The following FRYL variants were observed in gnomAD, a reference collection of about 807,000 sequenced individuals.
The protein encoded by FRYL is protein furry homolog-like.
In FRYL, 150 loss-of-function variants were observed where a neutral mutation model predicts 351.2. The ratio of observed to expected loss-of-function variants is 0.43; its 90% confidence interval spans 0.37 to 0.49. FRYL has a LOEUF of 0.49. Among genes scored for constraint, FRYL ranks in the 20% least tolerant of loss-of-function variants. FRYL has a pLI of 0.00. For missense variants in FRYL, 3,036 were observed against 3,619.3 expected, an observed-to-expected ratio of 0.84 and a Z score of 4.13; for synonymous variants, 1,153 against 1,257.1, an observed-to-expected ratio of 0.92 and a Z score of 1.75.
chr4:48,518,794 C>T (rs940348752), intron 55 of FRYL, among the ~76,000 whole-genome samples: 16 of 152,206 alleles, frequency 1.1e-4, no homozygotes, highest in African/African-American at 3.9e-4. Flanking sequence ...TTCTCCTTCA[C>T]TCGAGTCCAC....
In FRYL at chr4:48,752,356, A is replaced by G. The variant is rs186429005; in HGVS notation, c.-384+27722T>C. On this transcript the variant is annotated intron_variant, in intron 1 of 63. Transcript: ENST00000358350. ...CAATGAGAAGCTCCTCTAATGAACC[A>G]TCTTGACTCCGGATCTGCCCCTGGA... Among the ~76,000 whole-genome samples, 3 of 152,348 alleles carry G rather than the reference A, an allele frequency of 2.0e-5. No homozygotes were observed. The East Asian group carries it at 5.8e-4, about 29-fold the overall frequency.
At chr4:48,532,939 T>C (rs990578628) in intron 49 of FRYL, among the ~76,000 whole-genome samples, 2 of 152,124 alleles carry the variant, frequency 1.3e-5, no homozygotes, top group African/African-American at 4.8e-5. Flanking sequence ...TATAAAGAAA[T>C]CTGGAAAAAA....
intron 25 of FRYL, 65 bp from the exon 26 acceptor site, chr4:48,573,308 T>G (rs887470133): frequency 9.7e-7 from 1 of 1,030,410 alleles, no homozygotes; most frequent in Non-Finnish European, 1.5e-6. Flanking sequence ...CAGGTAAATA[T>G]GTAAAAACAT....
Position 48,665,459 on chromosome 4 carries a change from T to C in FRYL, c.-81+19214A>G, listed in dbSNP as rs1186430899. Among the ~76,000 whole-genome samples the C allele has an allele frequency of 2.6e-5, 4 of 152,346 alleles. No homozygotes were observed. The South Asian group carries it at 8.3e-4, about 32-fold the overall frequency. On this transcript the variant is annotated intron_variant, in intron 3 of 63. Coordinates refer to ENST00000358350, the MANE Select transcript of FRYL (RefSeq NM_015030.2). ...CTTGAAACAACAGTTTTTGAAGATA[T>C]TGTTAATTAAAATCCAGATTTTAAA...
intron 1 of FRYL, among the ~76,000 whole-genome samples, chr4:48,713,588 G>C (rs10030106): frequency 0.51 from 77,373 of 151,866 alleles, 20,149 homozygotes; most frequent in South Asian, 0.61. Flanking sequence ...AAATAGATAT[G>C]CACCCAATAC....
chr4:48,652,397 G>A (rs934308409), intron 3 of FRYL, among the ~76,000 whole-genome samples: 2 of 152,156 alleles, frequency 1.3e-5, no homozygotes, highest in Non-Finnish European at 2.9e-5. Context: ...CAGTTTACTT[G>A]AGCAAAAATG....
chr4:48,729,187 C>T (rs1770440044), intron 1 of FRYL, among the ~76,000 whole-genome samples: 1 of 152,238 alleles, frequency 6.6e-6, no homozygotes. Context: ...ACTGCTGACA[C>T]TTGAGTAGGT....
chr4:48,535,810 T>C lies in FRYL; in HGVS notation c.6411A>G (p.Lys2137=). The part of the protein sequence containing the change: ...SRIAKVCAEE[K]CPTLVNLAHM... ...GTGCCAGATTGACAAGTGTTGGGCA[T>C]TTTTCTTCTGCACAAACCTAGAAAA... The change falls in exon 48 of 64, where the codon AAA becomes AAG. Residue 2137 remains lysine (K), a synonymous_variant. Transcript: ENST00000358350. 1 of 1,542,140 alleles carries C rather than the reference T, an allele frequency of 6.5e-7. No homozygotes were observed. Among genetic ancestry groups the C allele is most frequent in the Non-Finnish European group, 8.8e-7 (1 of 1,140,994 alleles).
chr4:48,552,259 G>GTGTGTGTGTGTGTGTGTGTT (rs1733011382), intron 36 of FRYL, among the ~76,000 whole-genome samples: 1 of 134,272 alleles, frequency 7.4e-6, no homozygotes, highest in African/African-American at 2.5e-5. Flanking sequence ...GTGTGTGTGT[G>GTGTGTGTGTGTGTGTGTGTT]TGTGTGTGTG....
chr4:48,682,801 T>C (rs1481534527), intron 3 of FRYL, among the ~76,000 whole-genome samples: 1 of 152,120 alleles, frequency 6.6e-6, no homozygotes, highest in Non-Finnish European at 1.5e-5. Flanking sequence ...GAAATAGAAA[T>C]GCTTTTACAC....
At chr4:48,562,645 C>A (rs150266139) in intron 32 of FRYL, among the ~76,000 whole-genome samples, 6 of 152,150 alleles carry the variant, frequency 3.9e-5, no homozygotes, top group Non-Finnish European at 7.4e-5. Flanking sequence ...CATACACATA[C>A]ACACACATTA....
intron 15 of FRYL, among the ~76,000 whole-genome samples, chr4:48,594,717 AG>A (rs1744244663): frequency 6.6e-6 from 1 of 152,210 alleles, no homozygotes; most frequent in African/African-American, 2.4e-5. Flanking sequence ...TGGATCATCT[AG>A]ATTGTTACAG....
intron 16 of FRYL, among the ~76,000 whole-genome samples, chr4:48,592,096 A>ATTT (rs1427378853): frequency 4.4e-4 from 17 of 39,014 alleles, no homozygotes; most frequent in African/African-American, 8.3e-4. Flanking sequence ...ATATATATAT[A>ATTT]TATATATATA....
intron 4 of FRYL, among the ~76,000 whole-genome samples, chr4:48,626,278 A>C (rs957909667): frequency 6.6e-6 from 1 of 152,026 alleles, no homozygotes; most frequent in Non-Finnish European, 1.5e-5. Context: ...ATGTGTATAC[A>C]TGTGTATACG....
intron 26 of FRYL, among the ~76,000 whole-genome samples, chr4:48,572,866 T>C (rs1027742812): frequency 6.6e-6 from 1 of 152,218 alleles, no homozygotes; most frequent in Admixed American, 6.5e-5. Flanking sequence ...TTACGAACGC[T>C]TTCATGCTAC....
intron 10 of FRYL, 133 bp from the exon 11 acceptor site, chr4:48,605,966 A>C: frequency 3.3e-6 from 2 of 603,496 alleles, no homozygotes; most frequent in Non-Finnish European, 2.9e-6. Flanking sequence ...AAGTCAAAAA[A>C]CAAAGCTGGC....
intron 2 of FRYL, among the ~76,000 whole-genome samples, chr4:48,687,524 G>T (rs1195726279): frequency 6.8e-6 from 1 of 147,986 alleles, no homozygotes; most frequent in African/African-American, 2.5e-5. Context: ...GGAGGGGGGC[G>T]GAAAGCCTCG....
chr4:48,589,742 T>G lies in FRYL; in HGVS notation c.1640+3A>C. ...CAATGAAGGCACATAATTTACTACA[T>G]ACGTAATCATGTCTTCAGGCTCCTT... On this transcript the variant is annotated splice_donor_region_variant and intron_variant, in intron 18 of 63. Transcript: ENST00000358350. 1 of 1,612,602 alleles carries G rather than the reference T, an allele frequency of 6.2e-7. No individual in the cohort carries two copies. Among genetic ancestry groups the G allele is most frequent in the Non-Finnish European group, 8.5e-7 (1 of 1,179,524 alleles).
At chr4:48,737,749 G>A (rs1277807437) in intron 1 of FRYL, among the ~76,000 whole-genome samples, 1 of 152,084 alleles carries the variant, frequency 6.6e-6, no homozygotes, top group African/African-American at 2.4e-5. Flanking sequence ...TAAACCTAAC[G>A]ATGTAACAGA....
Sources: gnomAD v4.1 joint callset for allele counts (sites outside exome capture counted in the v4.1 genomes callset) on GRCh38, gnomAD v4.1.1 for gene constraint, MANE v1.5 for transcripts, NCBI Gene and HGNC (gene_info 2026-07-23, HGNC 2026-07-21) for gene names.